DGKB: variants seen among roughly 807,000 people sequenced by gnomAD.
DGKB encodes diacylglycerol kinase beta.
In DGKB, 67 loss-of-function variants were observed where a neutral mutation model predicts 114.3. The ratio of observed to expected loss-of-function variants is 0.59; its 90% CI spans 0.48 to 0.72. DGKB has a LOEUF of 0.72. Among genes scored for constraint, DGKB ranks in the 30% least tolerant of loss-of-function variants. The pLI, the probability that DGKB is intolerant of heterozygous loss-of-function variation, is 0.00. For missense variants in DGKB, 907 were observed against 975.2 expected, an observed-to-expected ratio of 0.93 and a Z score of 0.93; for synonymous variants, 398 against 323.1, an observed-to-expected ratio of 1.23 and a Z score of -2.49.
chr7:14,435,779 T>C (rs1829148549), intron 21 of DGKB, among the ~76,000 whole-genome samples: 1 of 152,058 alleles, frequency 6.6e-6, no homozygotes, highest in East Asian at 1.9e-4. Context: ...TTTTGAAAAT[T>C]ATATTTAAAT....
At chr7:14,412,980 CAAA>C (rs34787132) in intron 21 of DGKB, among the ~76,000 whole-genome samples, 3 of 141,524 alleles carry the variant, frequency 2.1e-5, no homozygotes, top group Non-Finnish European at 4.6e-5. Context: ...GACTCCAGCT[CAAA>C]AAAAAAAAAA....
intron 1 of DGKB, among the ~76,000 whole-genome samples, chr7:14,895,803 A>T (rs1220215635): frequency 6.6e-6 from 1 of 151,682 alleles, no homozygotes; most frequent in Admixed American, 6.6e-5. Context: ...GCTGAGTATG[A>T]CTGACAATCT....
At chr7:14,855,987 G>GTGTA (rs5882471) in intron 1 of DGKB, among the ~76,000 whole-genome samples, 5 of 143,808 alleles carry the variant, frequency 3.5e-5, no homozygotes, top group South Asian at 2.3e-4. Flanking sequence ...TAGATAATGT[G>GTGTA]TATATATATA....
intron 23 of DGKB, among the ~76,000 whole-genome samples, chr7:14,263,738 C>T (rs900968139): frequency 2.6e-5 from 4 of 152,032 alleles, no homozygotes; most frequent in African/African-American, 4.8e-5. Flanking sequence ...AATCTGAGAA[C>T]TCCACTGTCC....
chr7:14,559,521 T>A (rs988798088), intron 20 of DGKB, among the ~76,000 whole-genome samples: 32 of 152,174 alleles, frequency 2.1e-4, no homozygotes, highest in African/African-American at 7.7e-4. Context: ...AAAGCAATAA[T>A]CTTATGCAAC....
intron 13 of DGKB, among the ~76,000 whole-genome samples, chr7:14,662,539 T>C (rs532760939): frequency 1.5e-4 from 23 of 152,062 alleles, no homozygotes; most frequent in African/African-American, 5.3e-4. Context: ...ATGTTCACTA[T>C]CATGTTACTT....
chr7:14,821,308 A>G (rs1029189050), intron 2 of DGKB, among the ~76,000 whole-genome samples: 1 of 152,182 alleles, frequency 6.6e-6, no homozygotes, highest in Non-Finnish European at 1.5e-5. Context: ...TTGGATACAT[A>G]TTTGTGAATA....
chr7:14,798,832 C>T (rs1120330), intron 2 of DGKB, among the ~76,000 whole-genome samples: 50,625 of 152,122 alleles, frequency 0.33, 10,905 homozygotes, highest in African/African-American at 0.61. Flanking sequence ...ATATAGTCAG[C>T]AGCTCCCCAC....
At chr7:14,706,536 C>T (rs1392979021) in intron 6 of DGKB, among the ~76,000 whole-genome samples, 4 of 143,968 alleles carry the variant, frequency 2.8e-5, no homozygotes, top group Non-Finnish European at 6.1e-5. Flanking sequence ...CCACACCACA[C>T]CTATTCCAAA....
intron 22 of DGKB, 48 bp downstream of exon 22, chr7:14,345,253 C>T: frequency 9.0e-7 from 1 of 1,108,254 alleles, no homozygotes; most frequent in Non-Finnish European, 1.3e-6. Flanking sequence ...AACAACAAAG[C>T]TCAAGCCATT....
chr7:14,152,811 C>G (rs1782420510), intron 25 of DGKB, among the ~76,000 whole-genome samples: 2 of 152,006 alleles, frequency 1.3e-5, no homozygotes, highest in Non-Finnish European at 2.9e-5. Flanking sequence ...TGTGATAGTT[C>G]CACCTCATAG....
At chr7:14,517,694 C>A (rs1019895179) in intron 20 of DGKB, among the ~76,000 whole-genome samples, 1 of 151,728 alleles carries the variant, frequency 6.6e-6, no homozygotes, top group African/African-American at 2.4e-5. Flanking sequence ...ACACAGCCAA[C>A]AAGCATATAA....
rs1339201758 is a variant in DGKB at position 14,199,467 on chromosome 7, C to A, written c.2123-21316G>T. Among the ~76,000 whole-genome samples the A allele has an allele frequency of 2.6e-5, 4 of 151,958 alleles. No individual in the cohort carries two copies. In the East Asian group the frequency reaches 7.8e-4, roughly 29 times the overall value. Reference sequence around the variant, plus strand: ...AGGGCAAAAATATGAGCATTTCCACCATGAAATCAAAGTAAGATAGAGTAA... The same window carrying A: ...AGGGCAAAAATATGAGCATTTCCACAATGAAATCAAAGTAAGATAGAGTAA... On this transcript the variant is annotated intron_variant, in intron 23 of 25. Transcript: ENST00000402815.
chr7:14,165,067 C>T (rs1323248915), intron 25 of DGKB, among the ~76,000 whole-genome samples: 2 of 152,030 alleles, frequency 1.3e-5, no homozygotes, highest in South Asian at 2.1e-4. Context: ...TATTTTCTGC[C>T]CCTTTGGATA....
intron 1 of DGKB, among the ~76,000 whole-genome samples, chr7:14,969,678 T>C (rs867106325): frequency 1.3e-5 from 2 of 152,092 alleles, no homozygotes; most frequent in Non-Finnish European, 2.9e-5. Flanking sequence ...CCCAAAACCA[T>C]GCATCCCCCA....
At chr7:14,726,956 A>G (rs1830118682) in intron 5 of DGKB, among the ~76,000 whole-genome samples, 1 of 152,176 alleles carries the variant, frequency 6.6e-6, no homozygotes, top group African/African-American at 2.4e-5. Context: ...AGTGTCCAAC[A>G]CCATTGCATA....
chr7:14,685,373 C>G lies in DGKB; in HGVS notation c.712-11G>C. On this transcript the variant is annotated splice_polypyrimidine_tract_variant and intron_variant, in intron 9 of 25. Transcript: ENST00000402815. ...ATCATCCTTCACGTTCTGCATGGGA[C>G]GTAAGAGAAACAGATTTCACTTAAT... The G allele has an allele frequency of 4.4e-6, 7 of 1,591,090 alleles. No homozygotes were observed. Among genetic ancestry groups the G allele is most frequent in the Non-Finnish European group, 6.0e-6 (7 of 1,159,624 alleles).
At chr7:14,305,341 C>A (rs760495977) in intron 23 of DGKB, among the ~76,000 whole-genome samples, 1 of 152,102 alleles carries the variant, frequency 6.6e-6, no homozygotes, top group Non-Finnish European at 1.5e-5. Context: ...TCCATGAGAT[C>A]AATTTTTTTG....
Position 14,621,507 on chromosome 7 carries a change from A to T in DGKB, c.1168-13T>A. The T allele has an allele frequency of 6.9e-7, 1 of 1,452,510 alleles. No homozygotes were observed. Among genetic ancestry groups the T allele is most frequent in the South Asian group, 1.3e-5 (1 of 79,264 alleles). The allele number at this position is 1,452,510 out of a possible 1,614,324, so 90.0% of individuals were successfully genotyped here. ...TTGATTGTCTTTCCTGTAAAAAAGA[A>T]AATTTTGATAAAAATAAAAATTAGG... On this transcript the variant is annotated splice_polypyrimidine_tract_variant and intron_variant, in intron 14 of 25. Transcript: ENST00000402815.
Sources: allele counts gnomAD v4.1 joint callset (sites outside exome capture counted in the v4.1 genomes callset), GRCh38; gene constraint gnomAD v4.1.1; transcripts MANE v1.5; gene names NCBI Gene and HGNC (gene_info 2026-07-23, HGNC 2026-07-21).